SEL1L2: variants seen among roughly 807,000 people sequenced by gnomAD.
The protein encoded by SEL1L2 is protein sel-1 homolog 2.
A neutral mutation model predicts 98.8 loss-of-function variants in SEL1L2; 89 were observed. The ratio of observed to expected loss-of-function variants is 0.90; its 90% CI spans 0.76 to 1.07. The LOEUF is 1.07. SEL1L2 is among the 50% of genes least tolerant of loss of function. The pLI is 0.00. For missense variants in SEL1L2, 788 were observed against 812.0 expected, an observed-to-expected ratio of 0.97 and a Z score of 0.36; for synonymous variants, 262 against 278.5, an observed-to-expected ratio of 0.94 and a Z score of 0.59.
At chr20:13,975,969 T>C (rs538112645) in intron 1 of SEL1L2, among the ~76,000 whole-genome samples, 2 of 152,136 alleles carry the variant, frequency 1.3e-5, no homozygotes, top group South Asian at 4.2e-4. Flanking sequence ...GTGCTGGGAT[T>C]ACAAGCATGA....
At chr20:13,894,583 A>C (rs995007357) in intron 5 of SEL1L2, among the ~76,000 whole-genome samples, 3 of 151,792 alleles carry the variant, frequency 2.0e-5, no homozygotes, top group African/African-American at 7.2e-5. Flanking sequence ...AACAAACAAA[A>C]AATTAACAAA....
intron 5 of SEL1L2, among the ~76,000 whole-genome samples, chr20:13,908,984 G>A (rs2048100523): frequency 6.7e-6 from 1 of 148,990 alleles, no homozygotes; most frequent in Non-Finnish European, 1.5e-5. Flanking sequence ...TGTTAAATAG[G>A]GTCCCTACCA....
intron 1 of SEL1L2, among the ~76,000 whole-genome samples, chr20:13,987,329 TTTG>T (rs1555907184): frequency 5.0e-5 from 6 of 120,094 alleles, no homozygotes; most frequent in African/African-American, 1.9e-4. Flanking sequence ...TTTTTTTTTT[TTTG>T]TTGTTGTTGT....
chr20:13,950,975 G>C (rs1215934749), intron 2 of SEL1L2, among the ~76,000 whole-genome samples: 1 of 152,020 alleles, frequency 6.6e-6, no homozygotes, highest in Non-Finnish European at 1.5e-5. Context: ...TAGGTGATTA[G>C]AAAGAAAATA....
chr20:13,928,890 C>A (rs1249421193), intron 3 of SEL1L2, among the ~76,000 whole-genome samples: 2 of 152,118 alleles, frequency 1.3e-5, no homozygotes, highest in Non-Finnish European at 2.9e-5. Context: ...TTAGGAGACA[C>A]CTGGCTGTGT....
intron 1 of SEL1L2, among the ~76,000 whole-genome samples, chr20:13,967,074 G>C (rs2051079569): frequency 6.6e-6 from 1 of 151,590 alleles, no homozygotes; most frequent in Non-Finnish European, 1.5e-5. Flanking sequence ...TAGAGATGGG[G>C]GTTTCACCAT....
chr20:13,878,843 G>A (rs2046559424), intron 10 of SEL1L2, among the ~76,000 whole-genome samples: 2 of 152,174 alleles, frequency 1.3e-5, no homozygotes, highest in Non-Finnish European at 2.9e-5. Flanking sequence ...CCCTAGCAAT[G>A]TTCCTGAGAA....
chr20:13,900,987 A>G lies in SEL1L2; in HGVS notation c.550-12475T>C, dbSNP rs372388717. On this transcript the variant is annotated intron_variant, in intron 5 of 19. Transcript: ENST00000284951. ...TTCTCGAATTCATTATATTGATTTC[A>G]GTTTTTGTTTACTAATCCTTTTGTC... is the stretch of plus-strand genomic sequence containing the variant. 5.9e-5 allele frequency among the ~76,000 whole-genome samples: 9 copies of G among 152,150 alleles called. No homozygotes were observed. The East Asian group carries it at 1.5e-3, about 26-fold the overall frequency.
intron 12 of SEL1L2, among the ~76,000 whole-genome samples, chr20:13,872,880 G>C (rs978656704): frequency 1.3e-5 from 2 of 152,132 alleles, no homozygotes; most frequent in African/African-American, 4.8e-5. Context: ...GGAGACACGT[G>C]GAGTCCCTGC....
Position 13,859,322 on chromosome 20 carries a change from G to T in SEL1L2, c.1758C>A (p.His586Gln). ...CCAGATTGAACATGGCTTGCGCGTT[G>T]TGGTATTTGTTGGCTGCAATGCTGT... Reference protein sequence around the residue: ...THYSIAANKYHNAQAMFNLAY... With the variant: ...THYSIAANKYQNAQAMFNLAY... The change falls in exon 18 of 20, where the codon CAC (histidine) becomes CAA (glutamine). Residue 586 changes from histidine (H) to glutamine (Q), a missense_variant. Physicochemically the swap from His to Gln is conservative, Grantham distance 24. Transcript: ENST00000284951. 6.2e-7 allele frequency: 1 copy of T among 1,614,170 alleles called. No individual in the cohort carries two copies. Among genetic ancestry groups the T allele is most frequent in the Non-Finnish European group, 8.5e-7 (1 of 1,180,014 alleles).
At chr20:13,872,999 T>C (rs559666047) in intron 12 of SEL1L2, among the ~76,000 whole-genome samples, 10 of 151,718 alleles carry the variant, frequency 6.6e-5, no homozygotes, top group African/African-American at 2.2e-4. Context: ...TTTTCTTTTT[T>C]TTTTTTTTTG....
At chr20:13,888,639 T>TTTC in intron 5 of SEL1L2, 127 bp from the exon 6 acceptor site, 1 of 438,070 alleles carries the variant, frequency 2.3e-6, no homozygotes, top group Non-Finnish European at 3.9e-6. Flanking sequence ...CTTTCTCTTT[T>TTTC]TTTTTTTTTT....
chr20:13,859,447 T>G lies in SEL1L2; in HGVS notation c.1646-13A>C, dbSNP rs751117173. ...GCAAATGCATTGCCTGATAGAAATA[T>G]TAGAGAAAAAAGAATCATAACTCAA... On this transcript the variant is annotated splice_polypyrimidine_tract_variant and intron_variant, in intron 17 of 19. Transcript: ENST00000284951. The G allele has an allele frequency of 6.2e-7, 1 of 1,603,780 alleles. No individual in the cohort carries two copies. Among genetic ancestry groups the G allele is most frequent in the Non-Finnish European group, 8.5e-7 (1 of 1,172,232 alleles).
chr20:13,856,301 T>C (rs1568825498), intron 18 of SEL1L2, among the ~76,000 whole-genome samples: 1 of 152,100 alleles, frequency 6.6e-6, no homozygotes, highest in Non-Finnish European at 1.5e-5. Context: ...GGTTAATTTT[T>C]GCATTTTTAG....
At chr20:13,863,860 C>T (rs1256259761) in intron 17 of SEL1L2, among the ~76,000 whole-genome samples, 2 of 151,598 alleles carry the variant, frequency 1.3e-5, no homozygotes, top group African/African-American at 2.4e-5. Flanking sequence ...GTCCCAGCTA[C>T]TTGGTAGGCT....
intron 1 of SEL1L2, among the ~76,000 whole-genome samples, chr20:13,979,926 T>C (rs2263675): frequency 0.99 from 150,426 of 152,238 alleles, 74,316 homozygotes; most frequent in East Asian, 1. Flanking sequence ...AGACAACCCA[T>C]GAATTGGGAG....
chr20:13,850,107 C>G lies in SEL1L2; in HGVS notation c.1947+84G>C, dbSNP rs146160856. 8 of 1,521,606 alleles carry G rather than the reference C, an allele frequency of 5.3e-6. No homozygotes were observed. The African/African-American group carries it at 1.1e-4, about 21-fold the overall frequency. The allele number at this position is 1,521,606 out of a possible 1,614,324, so 94.3% of individuals were successfully genotyped here. On this transcript the variant is annotated intron_variant, in intron 19 of 19. Coordinates refer to ENST00000284951, the MANE Select transcript of SEL1L2 (RefSeq NM_025229.2). ...AAGGAAAGCCAGTCCACAAGAGACTCCCTGATGGGCCTTGTCACTTTGTCC... is the reference window on the plus strand; with the variant it reads ...AAGGAAAGCCAGTCCACAAGAGACTGCCTGATGGGCCTTGTCACTTTGTCC...
intron 3 of SEL1L2, among the ~76,000 whole-genome samples, chr20:13,923,605 T>A (rs893016191): frequency 6.6e-6 from 1 of 152,134 alleles, no homozygotes; most frequent in African/African-American, 2.4e-5. Flanking sequence ...AATACAAAAA[T>A]TAGCTGAGCA....
chr20:13,886,519 C>A (rs11905248), intron 8 of SEL1L2, 77 bp from the exon 9 acceptor site: 87,182 of 1,146,898 alleles, frequency 0.076, 3,942 homozygotes, highest in African/African-American at 0.093. Context: ...GAGAAAACAC[C>A]GTTAGCTTAT....
Sources: gnomAD v4.1 joint callset for allele counts (sites outside exome capture counted in the v4.1 genomes callset) on GRCh38, gnomAD v4.1.1 for gene constraint, MANE v1.5 for transcripts, NCBI Gene and HGNC (gene_info 2026-07-23, HGNC 2026-07-21) for gene names.